LHX8: variants seen among roughly 807,000 people sequenced by gnomAD.
The protein encoded by LHX8 is LIM/homeobox protein Lhx8.
Under a neutral mutation model 40.3 loss-of-function variants are expected in LHX8, and 12 were observed. The ratio of observed to expected loss-of-function variants is 0.30; its 90% confidence interval spans 0.19 to 0.48. The LOEUF is 0.48. Ranked by LOEUF, LHX8 falls within the 20% of genes least tolerant of loss-of-function variation. LHX8 has a pLI of 0.99. For synonymous variants in LHX8, 179 were observed against 162.0 expected (o/e 1.10, Z -0.80); for missense variants, 344 against 433.7 (o/e 0.79, Z 1.84).
intron 7 of LHX8, among the ~76,000 whole-genome samples, chr1:75,154,549 T>A (rs1648703976): frequency 6.6e-6 from 1 of 152,170 alleles, no homozygotes; most frequent in African/African-American, 2.4e-5. Context: ...CTGGCGTATG[T>A]GTCTTCTGGG....
intron 8 of LHX8, chr1:75,160,601 TTG>T: frequency 1.8e-6 from 1 of 567,960 alleles, no homozygotes; most frequent in Non-Finnish European, 3.2e-6. Flanking sequence ...TGGCAAAATC[TTG>T]TGGCCCCAAA....
the LHX8 span, chr1:75,183,118 T>C: frequency 6.6e-6 from 1 of 152,098 alleles, no homozygotes; most frequent in African/African-American, 2.4e-5. Context: ...ACAAGGATGA[T>C]ATGCAATGTG....
upstream of LHX8, chr1:75,130,365 GA>G (rs764297904): frequency 1.6e-5 from 7 of 428,364 alleles, no homozygotes; most frequent in Non-Finnish European, 2.6e-5. Flanking sequence ...TGGTCCTCCA[GA>G]ACCGCTTGAA....
At chr1:75,141,833 A>G (rs1648320052) in intron 4 of LHX8, among the ~76,000 whole-genome samples, 1 of 152,172 alleles carries the variant, frequency 6.6e-6, no homozygotes, top group Admixed American at 6.5e-5. Context: ...TACTTTTCTA[A>G]ATGAAAAATG....
At chr1:75,134,994 G>A in intron 1 of LHX8, 40 bp downstream of exon 1, 1 of 949,106 alleles carries the variant, frequency 1.1e-6, no homozygotes, top group African/African-American at 1.8e-5. Flanking sequence ...GGTGATCGTG[G>A]CGGTCCGGGA....
Position 75,128,488 on chromosome 1 carries a change from A to T in LHX8, c.-610A>T, listed in dbSNP as rs553832645. 8 of 152,330 alleles carry T rather than the reference A, an allele frequency of 5.3e-5. No individual in the cohort carries two copies. The East Asian group carries it at 1.5e-3, about 29-fold the overall frequency. 9.4% of individuals were successfully genotyped at this position (152,330 alleles called of 1,614,324 possible). A position where few individuals can be genotyped will look rare whatever the true frequency, so the allele number is the denominator to read the frequency against. On this transcript the variant is annotated 5_prime_UTR_variant, in exon 1 of 10. Coordinates refer to the LHX8 transcript ENST00000294638. ...TGTGCTGGAGTGGTAAAGAACTATC[A>T]TGAATCCATTTACTGAAAGTGTCCA...
At chr1:75,141,252 G>A (rs527779322) in intron 4 of LHX8, 146 bp downstream of exon 4, 508 of 811,534 alleles carry the variant, frequency 6.3e-4, no homozygotes, top group Non-Finnish European at 7.9e-4. Flanking sequence ...GTGCTTTCCT[G>A]TTTGAGATAT....
the LHX8 span, among the ~76,000 whole-genome samples, chr1:75,180,407 C>G: frequency 1.3e-5 from 2 of 152,244 alleles, no homozygotes; most frequent in East Asian, 3.9e-4. Flanking sequence ...TCTTTTTTCT[C>G]TAAACTTCTC....
chr1:75,167,774 A>G, the LHX8 span, among the ~76,000 whole-genome samples: 1 of 152,218 alleles, frequency 6.6e-6, no homozygotes. Flanking sequence ...AATTTACTCC[A>G]TGCCAGGATC....
intron 6 of LHX8, among the ~76,000 whole-genome samples, chr1:75,145,155 A>G (rs1648427222): frequency 6.6e-6 from 1 of 152,186 alleles, no homozygotes; most frequent in African/African-American, 2.4e-5. Flanking sequence ...AGATAAGCCA[A>G]TTGAAAGAAA....
At chr1:75,153,483 G>A (rs1396796179) in intron 7 of LHX8, among the ~76,000 whole-genome samples, 1 of 150,486 alleles carries the variant, frequency 6.6e-6, no homozygotes, top group African/African-American at 2.5e-5. Context: ...TGCAGTCTCA[G>A]CTCACTGCAA....
upstream of LHX8, chr1:75,132,391 G>C (rs1331195219): frequency 6.6e-6 from 1 of 152,276 alleles, no homozygotes; most frequent in African/African-American, 2.4e-5. Flanking sequence ...GGTGCGCGCA[G>C]CTGCACCCCG....
the LHX8 span, among the ~76,000 whole-genome samples, chr1:75,190,264 A>G: frequency 1.7e-3 from 262 of 152,298 alleles, no homozygotes; most frequent in African/African-American, 5.9e-3. Flanking sequence ...TTTATAACCT[A>G]AAAGTCAAGA....
At chr1:75,162,378 T>G (rs1648938220), downstream of LHX8, among the ~76,000 whole-genome samples, 1 of 152,022 alleles carries the variant, frequency 6.6e-6, no homozygotes, top group Non-Finnish European at 1.5e-5. Flanking sequence ...CATGAAGTGA[T>G]GAGGTCAGCT....
At chr1:75,146,323 A>G (rs1648459138) in intron 6 of LHX8, among the ~76,000 whole-genome samples, 1 of 152,196 alleles carries the variant, frequency 6.6e-6, no homozygotes, top group Admixed American at 6.5e-5. Flanking sequence ...ATAGAGATTT[A>G]TGGGGAGAAA....
At chr1:75,174,173 C>T in the LHX8 span, among the ~76,000 whole-genome samples, 1 of 152,148 alleles carries the variant, frequency 6.6e-6, no homozygotes, top group Non-Finnish European at 1.5e-5. Context: ...TGGAGACACT[C>T]ATGATTCATT....
chr1:75,151,691 C>T (rs1648617185), intron 7 of LHX8, among the ~76,000 whole-genome samples: 2 of 152,272 alleles, frequency 1.3e-5, no homozygotes, highest in South Asian at 4.1e-4. Flanking sequence ...TCCGACTCCA[C>T]GGGCTAAAAG....
intron 6 of LHX8, among the ~76,000 whole-genome samples, chr1:75,146,062 T>C (rs1570293755): frequency 6.6e-6 from 1 of 152,290 alleles, no homozygotes; most frequent in African/African-American, 2.4e-5. Context: ...AATTTAGGAA[T>C]CTGAAATAGA....
At chr1:75,177,720 G>T in the LHX8 span, among the ~76,000 whole-genome samples, 1 of 152,158 alleles carries the variant, frequency 6.6e-6, no homozygotes, top group African/African-American at 2.4e-5. Flanking sequence ...TGTTGAATAG[G>T]AGTGGTGAGA....
Sources: gnomAD v4.1 joint callset for allele counts (sites outside exome capture counted in the v4.1 genomes callset) on GRCh38, gnomAD v4.1.1 for gene constraint, MANE v1.5 for transcripts, NCBI Gene and HGNC (gene_info 2026-07-23, HGNC 2026-07-21) for gene names.